PCF11: variants seen among roughly 807,000 people sequenced by gnomAD.
PCF11 encodes the protein PCF11 cleavage and polyadenylation factor subunit.
Under a neutral mutation model 166.1 loss-of-function variants are expected in PCF11, and 19 were observed. The observed-to-expected ratio is 0.11, with a 90% CI of 0.08 to 0.17. The LOEUF is 0.17. PCF11 is among the 10% of genes least tolerant of loss of function. The pLI is 1.00. For missense variants in PCF11, 1,565 were observed against 1,855.5 expected, an observed-to-expected ratio of 0.84 and a Z score of 2.88; for synonymous variants, 663 against 644.1, an observed-to-expected ratio of 1.03 and a Z score of -0.44.
At chr11:83,158,341 T>TG (rs1166369499) in intron 1 of PCF11, 8 of 93,156 alleles carry the variant, frequency 8.6e-5, no homozygotes, top group African/African-American at 2.8e-4. Flanking sequence ...GGGGTTTGGG[T>TG]GGGGGGAGGA....
chr11:83,162,605 TG>T (rs1860301088), intron 2 of PCF11, among the ~76,000 whole-genome samples: 2 of 152,208 alleles, frequency 1.3e-5, no homozygotes, highest in African/African-American at 4.8e-5. Context: ...ATACCTTTAC[TG>T]AATCTAACTG....
chr11:83,169,762 T>C (rs762634985), exon 8 of PCF11: 6 of 1,613,914 alleles, frequency 3.7e-6, no homozygotes, highest in Non-Finnish European at 5.1e-6. Context: ...TGGCAATGCT[T>C]TTAATGCCCC....
intron 5 of PCF11, 140 bp from the exon 6 acceptor site, chr11:83,166,985 C>A: frequency 1.4e-6 from 1 of 701,170 alleles, no homozygotes; most frequent in African/African-American, 1.8e-5. Flanking sequence ...ATATTTTGTG[C>A]TCTTAATCAT....
chr11:83,176,831 G>A (rs1860901021), intron 9 of PCF11, among the ~76,000 whole-genome samples: 1 of 150,200 alleles, frequency 6.7e-6, no homozygotes, highest in South Asian at 2.1e-4. Flanking sequence ...GAACTTAAAA[G>A]TATAATAAAA....
At position 83,186,756 on chromosome 11, in the gene PCF11, G is replaced by A. The variant is rs374541893; in HGVS notation, c.*1862G>A. On this transcript the variant is annotated 3_prime_UTR_variant, in exon 16 of 16. Coordinates refer to ENST00000298281, the Ensembl canonical transcript of PCF11. ...GCCATTGGATTTGAGTTGTAAACAC[G>A]TAACAGCTGAACTTACGTATATGAA... The A allele has an allele frequency of 2.0e-5, 3 of 152,220 alleles. No homozygotes were observed. In the East Asian group the frequency reaches 5.8e-4, roughly 29 times the overall value. 9.4% of individuals were successfully genotyped at this position (152,220 alleles called of 1,614,324 possible).
At chr11:83,184,488 A>G (rs1861201812) in intron 15 of PCF11, 191 bp from the exon 16 acceptor site, 2 of 563,012 alleles carry the variant, frequency 3.6e-6, no homozygotes, top group Middle Eastern at 4.7e-4. Flanking sequence ...TGCTGAGTAC[A>G]TATTGAACGT....
At chr11:83,171,365 T>C in intron 8 of PCF11, 1 of 438,010 alleles carries the variant, frequency 2.3e-6, no homozygotes, top group Non-Finnish European at 4.6e-6. Context: ...TTAGGAGTTC[T>C]GGCCTCAGTT....
chr11:83,182,967 T>TA, intron 14 of PCF11, 71 bp from the exon 15 acceptor site: 1 of 937,470 alleles, frequency 1.1e-6, no homozygotes, highest in Non-Finnish European at 1.6e-6. Flanking sequence ...GGCTTAAAGT[T>TA]AAAAAGAAAT....
Position 83,167,089 on chromosome 11 carries a change from A to T in PCF11, c.1818-36A>T. On this transcript the variant is annotated intron_variant, in intron 5 of 15. Transcript: ENST00000298281. This position sits in a 1 kb window ranked among gnomAD's most constrained non-coding sequence, Gnocchi z 4.2. The stretch of plus-strand genomic sequence containing the variant: ...ATGGTCCTGAGTATTTTTTAAAAAA[A>T]CATTTCAATGTAACATACTGCTTTT... 6.6e-7 allele frequency: 1 copy of T among 1,518,466 alleles called. No individual in the cohort carries two copies. Among genetic ancestry groups the T allele is most frequent in the Admixed American group, 1.9e-5 (1 of 51,416 alleles). The allele number at this position is 1,518,466 out of a possible 1,614,324, so 94.1% of individuals were successfully genotyped here.
intron 15 of PCF11, 49 bp from the exon 16 acceptor site, chr11:83,184,630 T>G (rs1590942920): frequency 2.4e-6 from 3 of 1,243,146 alleles, no homozygotes; most frequent in African/African-American, 1.5e-5. Flanking sequence ...TTATTTAATG[T>G]GAGAATTTTG....
intron 11 of PCF11, among the ~76,000 whole-genome samples, chr11:83,179,791 C>T (rs559336965): frequency 1.3e-5 from 2 of 152,050 alleles, no homozygotes; most frequent in East Asian, 3.9e-4. Context: ...GTAGTGGGCA[C>T]TTGTAATCCC....
chr11:83,186,389 T>C (rs1861292450), exon 16 of PCF11: 1 of 152,248 alleles, frequency 6.6e-6, no homozygotes, highest in African/African-American at 2.4e-5. Flanking sequence ...TAGTTTTGAA[T>C]AGATTATGAT....
rs189413019 is a variant in PCF11 at position 83,168,418 on chromosome 11, T to A, written c.2093-10T>A. 7.8e-5 allele frequency: 122 copies of A among 1,555,342 alleles called. 1 individual carries two copies. The African/African-American group carries it at 1.3e-3, about 16-fold the overall frequency. On this transcript the variant is annotated splice_polypyrimidine_tract_variant and intron_variant, in intron 7 of 15. Coordinates refer to ENST00000298281, the Ensembl canonical transcript of PCF11. Reference sequence around the variant, plus strand: ...ACTTTAGTGAAAATAATTTTTTTCCTTTTTAAAAGGTGTGCGAGAAGAGCA... The same window carrying A: ...ACTTTAGTGAAAATAATTTTTTTCCATTTTAAAAGGTGTGCGAGAAGAGCA...
chr11:83,175,643 G>A (rs1860851414), intron 9 of PCF11, among the ~76,000 whole-genome samples: 1 of 152,154 alleles, frequency 6.6e-6, no homozygotes, highest in Non-Finnish European at 1.5e-5. Context: ...TAGTCCAGCT[G>A]CTCTGGAGGC....
chr11:83,164,257 C>G, exon 4 of PCF11: 1 of 1,613,734 alleles, frequency 6.2e-7, no homozygotes. Flanking sequence ...CTAGCATCTC[C>G]ACTCCTCCAA....
At chr11:83,169,808 T>A (rs765924212) in exon 8 of PCF11, 1 of 1,613,704 alleles carries the variant, frequency 6.2e-7, no homozygotes, top group Non-Finnish European at 8.5e-7. Context: ...CATGAACAAA[T>A]ATTTGATTCA....
exon 8 of PCF11, chr11:83,169,510 C>A: frequency 6.2e-7 from 1 of 1,613,808 alleles, no homozygotes. Context: ...ACATGGTCAG[C>A]CAGGTCCTAG....
At chr11:83,173,030 A>G (rs1170685165) in intron 9 of PCF11, among the ~76,000 whole-genome samples, 2 of 152,206 alleles carry the variant, frequency 1.3e-5, no homozygotes, top group African/African-American at 2.4e-5. Context: ...TTTTGTTACT[A>G]TAATGAAAAG....
At chr11:83,168,163 C>T (rs536104745) in intron 7 of PCF11, among the ~76,000 whole-genome samples, 1 of 152,200 alleles carries the variant, frequency 6.6e-6, no homozygotes, top group Non-Finnish European at 1.5e-5. Context: ...TGTATATTCT[C>T]CCTATTTTAC....
Sources: allele counts gnomAD v4.1 joint callset (sites outside exome capture counted in the v4.1 genomes callset), GRCh38; gene constraint gnomAD v4.1.1; non-coding constraint Gnocchi (gnomAD v3.1); transcripts MANE v1.5; gene names NCBI Gene and HGNC (gene_info 2026-07-23, HGNC 2026-07-21).